The following ITGB8 variants were observed in gnomAD, a reference collection of about 807,000 sequenced individuals.
ITGB8 encodes the protein integrin beta-8.
Under a neutral mutation model 89.5 loss-of-function variants are expected in ITGB8, and 30 were observed. The ratio of observed to expected loss-of-function variants is 0.34; its 90% confidence interval spans 0.25 to 0.45. ITGB8 has a LOEUF of 0.45. Among genes scored for constraint, ITGB8 ranks in the 20% least tolerant of loss-of-function variants. ITGB8 has a pLI of 1.00. For synonymous variants in ITGB8, 335 were observed against 320.4 expected (o/e 1.05, Z -0.49); for missense variants, 836 against 933.3 (o/e 0.90, Z 1.36).
At chr7:20,382,875 A>G (rs1786456762) in intron 6 of ITGB8, among the ~76,000 whole-genome samples, 1 of 152,246 alleles carries the variant, frequency 6.6e-6, no homozygotes, top group Admixed American at 6.5e-5. Context: ...TTGATTTTCA[A>G]GTTGACCAGC....
chr7:20,331,806 T>C lies in ITGB8; in HGVS notation c.-1T>C, dbSNP rs1284921143. ...GGGCGCGGGGCGGGCTGTTTTGCAT[T>C]ATGTGCGGCTCGGCCCTGGCTTTTT... is the stretch of plus-strand genomic sequence containing the variant. On this transcript the variant is annotated 5_prime_UTR_variant, in exon 1 of 14. Coordinates refer to ENST00000222573, the MANE Select transcript of ITGB8 (RefSeq NM_002214.3). 1.2e-6 allele frequency: 2 copies of C among 1,612,508 alleles called. No homozygotes were observed. Among genetic ancestry groups the C allele is most frequent in the Non-Finnish European group, 1.7e-6 (2 of 1,179,872 alleles).
chr7:20,376,409 A>C (rs990094517), intron 3 of ITGB8, among the ~76,000 whole-genome samples: 2 of 152,202 alleles, frequency 1.3e-5, no homozygotes, highest in Non-Finnish European at 2.9e-5. Context: ...AAAATAGTTT[A>C]TAAGTGGCTC....
At position 20,409,915 on chromosome 7, in the gene ITGB8, C is replaced by G. The variant is rs1348639275; in HGVS notation, c.2228C>G (p.Thr743Ser). The G allele has an allele frequency of 1.2e-6, 2 of 1,613,702 alleles. No homozygotes were observed. Among genetic ancestry groups the G allele is most frequent in the Admixed American group, 1.7e-5 (1 of 60,002 alleles). ...ILQSVCTRAVTYRREKPEEIK... is the reference protein window; with the variant it reads ...ILQSVCTRAVSYRREKPEEIK... ...CAAAGTGTTTGCACAAGAGCAGTCA[C>G]CTACCGACGTGAGAAGCCTGAAGAA... Residue 743 changes from threonine (T) to serine (S), a missense_variant, in exon 14 of 14, where the codon ACC (threonine) becomes AGC (serine). Physicochemically the swap from Thr to Ser is moderately conservative, Grantham distance 58 (BLOSUM62 1). Transcript: ENST00000222573.
chr7:20,358,966 G>C (rs370717374), intron 1 of ITGB8, among the ~76,000 whole-genome samples: 2 of 152,086 alleles, frequency 1.3e-5, no homozygotes, highest in East Asian at 1.9e-4. Flanking sequence ...TGTGTTGTTC[G>C]GTTTTCTGTT....
At position 20,397,220 on chromosome 7, in the gene ITGB8, TTTTC is replaced by T. The variant is rs201532341; in HGVS notation, c.1147-1632_1147-1629del. On this transcript the variant is annotated intron_variant, in intron 8 of 13. Transcript: ENST00000222573. ...GGCCTAACTAGCTAAGATCTTTTCCTTTTCTTTCTTTTTTTTTTTTTTTAGATGG... is the reference window on the plus strand; with the variant it reads ...GGCCTAACTAGCTAAGATCTTTTCCTTTTCTTTTTTTTTTTTTTTAGATGG... Among the ~76,000 whole-genome samples the T allele has an allele frequency of 6.3e-4, 66 of 104,342 alleles. 1 individual carries two copies. The East Asian group carries it at 0.025, about 40-fold the overall frequency. 68.5% of individuals were successfully genotyped at this position (104,342 alleles called of 152,430 possible).
At chr7:20,342,045 T>C (rs139105240) in intron 1 of ITGB8, among the ~76,000 whole-genome samples, 44 of 152,300 alleles carry the variant, frequency 2.9e-4, no homozygotes, top group Non-Finnish European at 5.9e-5. Context: ...TTTTCTCCTA[T>C]ACTGCGTAAT....
chr7:20,359,229 C>T (rs1436011831), intron 1 of ITGB8, among the ~76,000 whole-genome samples: 2 of 152,038 alleles, frequency 1.3e-5, no homozygotes, highest in African/African-American at 4.8e-5. Context: ...CAAATGAGCA[C>T]AAGAGGAGGA....
intron 1 of ITGB8, among the ~76,000 whole-genome samples, chr7:20,336,395 A>G (rs10486391): frequency 0.37 from 55,915 of 152,048 alleles, 10,733 homozygotes; most frequent in Non-Finnish European, 0.42. Context: ...CAAATTGTGT[A>G]AACCATGTCT....
Position 20,331,419 on chromosome 7 carries a change from T to A in ITGB8, c.-388T>A. ...GTTTGGGTTTGATTGTGTTTGGCTCTTCGCTAAGCTGATTTATGCAGCAGA... is the reference window on the plus strand; with the variant it reads ...GTTTGGGTTTGATTGTGTTTGGCTCATCGCTAAGCTGATTTATGCAGCAGA... On this transcript the variant is annotated 5_prime_UTR_variant, in exon 1 of 14. Transcript: ENST00000222573. The A allele has an allele frequency of 2.5e-6, 1 of 401,678 alleles. No homozygotes were observed. Among genetic ancestry groups the A allele is most frequent in the East Asian group, 3.6e-5 (1 of 28,022 alleles). 24.9% of individuals were successfully genotyped at this position (401,678 alleles called of 1,614,324 possible). A position where few individuals can be genotyped will look rare whatever the true frequency, so the allele number is the denominator to read the frequency against.
At chr7:20,397,622 G>C (rs1207228185) in intron 8 of ITGB8, among the ~76,000 whole-genome samples, 1 of 152,174 alleles carries the variant, frequency 6.6e-6, no homozygotes. Context: ...TTCCACATAT[G>C]AACATCTTTG....
At chr7:20,359,351 A>T (rs1478518820) in intron 1 of ITGB8, among the ~76,000 whole-genome samples, 1 of 152,238 alleles carries the variant, frequency 6.6e-6, no homozygotes, top group East Asian at 1.9e-4. Context: ...GAATATAAAG[A>T]ATAAGGTGCA....
chr7:20,394,930 G>A lies in ITGB8; in HGVS notation c.1091G>A (p.Gly364Asp), dbSNP rs546211111. The change falls in exon 8 of 14, where the codon GGT (glycine) becomes GAT (aspartate). Residue 364 changes from glycine (G) to aspartate (D), a missense_variant. Gly to Asp is a moderately conservative substitution (Grantham distance 94). Coordinates refer to ENST00000222573, the MANE Select transcript of ITGB8 (RefSeq NM_002214.3). The part of the protein sequence containing the change: ...LLPLLPGTIA[G>D]EIESKAANLN... ...CCCCTCTTGCCAGGCACCATTGCTGGTGAAATAGAATCAAAGGCTGCAAAC... is the reference window on the plus strand; with the variant it reads ...CCCCTCTTGCCAGGCACCATTGCTGATGAAATAGAATCAAAGGCTGCAAAC... The A allele has an allele frequency of 4.3e-6, 7 of 1,613,740 alleles. No homozygotes were observed. In the African/African-American group the frequency reaches 6.7e-5, roughly 15 times the overall value.
chr7:20,330,470 G>C (rs954466750), upstream of ITGB8, among the ~76,000 whole-genome samples: 8 of 152,156 alleles, frequency 5.3e-5, no homozygotes, highest in Non-Finnish European at 1.2e-4. Context: ...CCACCCCCGC[G>C]AGCGTTGGGG....
intron 3 of ITGB8, among the ~76,000 whole-genome samples, chr7:20,368,584 C>T (rs963398116): frequency 2.0e-5 from 3 of 152,070 alleles, no homozygotes; most frequent in African/African-American, 7.2e-5. Flanking sequence ...TAATTGAATG[C>T]CAATTTTCAG....
At chr7:20,373,952 A>T (rs926668519) in intron 3 of ITGB8, among the ~76,000 whole-genome samples, 1 of 152,170 alleles carries the variant, frequency 6.6e-6, no homozygotes, top group African/African-American at 2.4e-5. Context: ...TTTGTATTCA[A>T]ACCAATCACT....
chr7:20,396,633 A>T (rs2127978059), intron 8 of ITGB8, among the ~76,000 whole-genome samples: 1 of 152,258 alleles, frequency 6.6e-6, no homozygotes, highest in East Asian at 1.9e-4. Context: ...TATCACAGAA[A>T]ATCAAATGTG....
At chr7:20,401,663 T>C (rs923807667) in intron 9 of ITGB8, 58 bp from the exon 10 acceptor site, 11 of 997,632 alleles carry the variant, frequency 1.1e-5, no homozygotes, top group Middle Eastern at 3.3e-4. Flanking sequence ...AGATATAATA[T>C]TGGTAATAAA....
chr7:20,334,629 A>C (rs206203), intron 1 of ITGB8, among the ~76,000 whole-genome samples: 125,155 of 152,120 alleles, frequency 0.82, 51,647 homozygotes, highest in African/African-American at 0.88. Flanking sequence ...TCCCAGAATT[A>C]TTTATGCTTA....
At chr7:20,344,994 T>A (rs761347102) in intron 1 of ITGB8, among the ~76,000 whole-genome samples, 1 of 152,090 alleles carries the variant, frequency 6.6e-6, no homozygotes, top group African/African-American at 2.4e-5. Flanking sequence ...AGAAACAGAA[T>A]GTATAGCACA....
Sources: gnomAD v4.1 joint callset for allele counts (sites outside exome capture counted in the v4.1 genomes callset) on GRCh38, gnomAD v4.1.1 for gene constraint, MANE v1.5 for transcripts, NCBI Gene and HGNC (gene_info 2026-07-23, HGNC 2026-07-21) for gene names.